SLC1A6: variants seen among roughly 807,000 people sequenced by gnomAD.
The protein encoded by SLC1A6 is solute carrier family 1 member 6, also known as excitatory amino acid transporter 4.
Under a neutral mutation model 42.1 loss-of-function variants are expected in SLC1A6, and 15 were observed. The ratio of observed to expected loss-of-function variants is 0.36; its 90% CI spans 0.24 to 0.55. The LOEUF (loss-of-function observed/expected upper bound fraction) is 0.55, where lower values mean the gene tolerates loss of function less well. SLC1A6 is among the 20% of genes least tolerant of loss of function. The pLI, the probability that SLC1A6 is intolerant of heterozygous loss-of-function variation, is 0.88. For missense variants in SLC1A6, 542 were observed against 772.5 expected (o/e 0.70, Z 3.54); for synonymous variants, 317 against 319.7 (o/e 0.99, Z 0.09).
chr19:14,958,097 C>A (rs1200187365), intron 6 of SLC1A6, among the ~76,000 whole-genome samples: 1 of 152,154 alleles, frequency 6.6e-6, no homozygotes, highest in Admixed American at 6.5e-5. Context: ...GCTTCAATGG[C>A]TACTCCTCTT....
At chr19:14,959,802 T>C (rs1482050166) in intron 6 of SLC1A6, among the ~76,000 whole-genome samples, 1 of 152,214 alleles carries the variant, frequency 6.6e-6, no homozygotes, top group Non-Finnish European at 1.5e-5. Context: ...TACTCACCTG[T>C]CAAGACGCAG....
In SLC1A6 at chr19:14,960,480, AGAAT is replaced by A. The variant is rs537966031; in HGVS notation, c.935+1518_935+1521del. ...AAATGAATGAACCGATAGAAAAATG[AGAAT>A]GAATAAGTGAATAAATTGGTGAATG... On this transcript the variant is annotated intron_variant, in intron 6 of 9. Coordinates refer to ENST00000594383, the MANE Select transcript of SLC1A6 (RefSeq NM_005071.3). Among the ~76,000 whole-genome samples the A allele has an allele frequency of 6.4e-3, 977 of 152,378 alleles. 5 individuals carry two copies. Among genetic ancestry groups the A allele is most frequent in the Non-Finnish European group, 0.011 (763 of 68,038 alleles).
At chr19:14,994,383 C>T (rs1050205465) in intron 1 of SLC1A6, among the ~76,000 whole-genome samples, 9 of 152,118 alleles carry the variant, frequency 5.9e-5, no homozygotes, top group African/African-American at 2.2e-4. Context: ...GTAACAGCTC[C>T]CTCCCCTCTC....
At chr19:14,969,259 C>A (rs2045610213) in intron 3 of SLC1A6, among the ~76,000 whole-genome samples, 1 of 152,218 alleles carries the variant, frequency 6.6e-6, no homozygotes, top group African/African-American at 2.4e-5. Context: ...ACTCCTACAC[C>A]CTTTCCCAAG....
chr19:14,974,740 G>T (rs1568294053), intron 1 of SLC1A6: 1 of 151,912 alleles, frequency 6.6e-6, no homozygotes, highest in Non-Finnish European at 1.5e-5. Context: ...TTTTCAAATG[G>T]TTGCTTTTGT....
In SLC1A6 at chr19:14,962,192, C is replaced by T. The variant is rs1400793702; in HGVS notation, c.745G>A (p.Glu249Lys). The T allele has an allele frequency of 3.1e-6, 5 of 1,614,080 alleles. No homozygotes were observed. In the Admixed American group the frequency reaches 5.0e-5, roughly 16 times the overall value. The stretch of plus-strand genomic sequence containing the variant: ...ACAGTCTCCTCAAAGCTCAGCATCT[C>T]CTGCAGGGTACCCAAGGCCCGAGTG... ...NVTRALGTLQ[E>K]MLSFEETVPV... is the part of the protein sequence containing the mutation. Residue 249 changes from glutamate (E) to lysine (K), a missense_variant, in exon 6 of 10, where the codon GAG (glutamate) becomes AAG (lysine). Glu to Lys is a moderately conservative substitution (Grantham distance 56, BLOSUM62 1). Coordinates refer to ENST00000594383, the MANE Select transcript of SLC1A6 (RefSeq NM_005071.3).
intron 1 of SLC1A6, among the ~76,000 whole-genome samples, chr19:14,997,673 G>A (rs2045853717): frequency 6.6e-6 from 1 of 152,132 alleles, no homozygotes; most frequent in African/African-American, 2.4e-5. Flanking sequence ...GCCAGGAATA[G>A]GCAGGGGACC....
chr19:14,973,324 G>T, intron 1 of SLC1A6: 1 of 172,616 alleles, frequency 5.8e-6, no homozygotes, highest in Non-Finnish European at 1.2e-5. Context: ...TAAGGCCAAG[G>T]CAAGAGGATC....
Position 14,979,734 on chromosome 19 carries a change from T to C in SLC1A6, c.-433A>G, listed in dbSNP as rs2045753112. On this transcript the variant is annotated 5_prime_UTR_variant, in exon 1 of 10. Coordinates refer to ENST00000594383, the MANE Select transcript of SLC1A6 (RefSeq NM_005071.3). The surrounding 1 kb of genome is among the most constrained non-coding windows in gnomAD (Gnocchi z 4.2). ...GGCCGGCCCTGCGCTCACGTGGGTGTGGGGGCACCGAGCGGCCGGGGGAGG... is the reference window on the plus strand; with the variant it reads ...GGCCGGCCCTGCGCTCACGTGGGTGCGGGGGCACCGAGCGGCCGGGGGAGG... The C allele has an allele frequency of 6.7e-6, 1 of 148,594 alleles. No individual in the cohort carries two copies. The highest frequency in any genetic ancestry group is 1.5e-5 in the Non-Finnish European group (1 of 67,242). 9.2% of individuals were successfully genotyped at this position (148,594 alleles called of 1,614,324 possible). A position where few individuals can be genotyped will look rare whatever the true frequency, so the allele number is the denominator to read the frequency against.
chr19:14,951,907 CA>C, intron 9 of SLC1A6, among the ~76,000 whole-genome samples: 1 of 152,130 alleles, frequency 6.6e-6, no homozygotes, highest in Admixed American at 6.5e-5. Flanking sequence ...CTCAACCTCC[CA>C]GGTTCAAGAG....
At chr19:14,970,172 T>A (rs1409875809) in intron 3 of SLC1A6, among the ~76,000 whole-genome samples, 1 of 152,114 alleles carries the variant, frequency 6.6e-6, no homozygotes, top group Non-Finnish European at 1.5e-5. Flanking sequence ...TGGGTTCAAG[T>A]GATCCTCCTG....
chr19:14,981,292 A>G (rs1354780401), upstream of SLC1A6, among the ~76,000 whole-genome samples: 1 of 139,072 alleles, frequency 7.2e-6, no homozygotes, highest in East Asian at 2.1e-4. Context: ...GACCTTGTCT[A>G]AAAAAAAAAA....
At chr19:14,970,687 G>A (rs1600007532) in intron 3 of SLC1A6, among the ~76,000 whole-genome samples, 1 of 151,580 alleles carries the variant, frequency 6.6e-6, no homozygotes, top group African/African-American at 2.4e-5. Context: ...CTCCAGCCTG[G>A]GCAACGGAGC....
chr19:14,992,980 G>C (rs1855558700), intron 1 of SLC1A6, among the ~76,000 whole-genome samples: 1 of 152,134 alleles, frequency 6.6e-6, no homozygotes, highest in South Asian at 2.1e-4. Context: ...AAAGGAGAGG[G>C]AGTCTCATTA....
At chr19:14,973,105 G>A (rs537583780) in intron 1 of SLC1A6, 188 bp from the exon 2 acceptor site, 210 of 582,896 alleles carry the variant, frequency 3.6e-4, no homozygotes, top group Non-Finnish European at 4.3e-4. Flanking sequence ...AATCACTTGC[G>A]CCCAGGAGTT....
At chr19:14,978,681 T>A (rs1289996964) in intron 1 of SLC1A6, among the ~76,000 whole-genome samples, 1 of 145,092 alleles carries the variant, frequency 6.9e-6, no homozygotes, top group Non-Finnish European at 1.5e-5. Flanking sequence ...ACAGACACAC[T>A]CACACATACA....
chr19:14,997,136 A>G (rs28555348), intron 1 of SLC1A6, among the ~76,000 whole-genome samples: 20,792 of 152,146 alleles, frequency 0.14, 1,511 homozygotes, highest in Non-Finnish European at 0.15. Flanking sequence ...GACAAAACTC[A>G]GTCATCCCTC....
intron 1 of SLC1A6, among the ~76,000 whole-genome samples, chr19:14,999,126 C>T (rs2045861417): frequency 1.3e-5 from 2 of 152,086 alleles, no homozygotes; most frequent in African/African-American, 4.8e-5. Flanking sequence ...GATTCACCTG[C>T]CTCAGCCTCC....
At chr19:14,978,270 C>T (rs2045733039) in intron 1 of SLC1A6, 1 of 152,186 alleles carries the variant, frequency 6.6e-6, no homozygotes, top group Non-Finnish European at 1.5e-5. Context: ...GAGCCTCTTA[C>T]ATCCCTAAAA....
Sources: allele counts gnomAD v4.1 joint callset (sites outside exome capture counted in the v4.1 genomes callset), GRCh38; gene constraint gnomAD v4.1.1; non-coding constraint Gnocchi (gnomAD v3.1); transcripts MANE v1.5; gene names NCBI Gene and HGNC (gene_info 2026-07-23, HGNC 2026-07-21).